Variants in MAST4 observed in about 807,000 individuals in gnomAD.
MAST4 encodes microtubule-associated serine/threonine-protein kinase 4.
Under a neutral mutation model 162.7 loss-of-function variants are expected in MAST4, and 89 were observed. The observed-to-expected ratio is 0.55, with a 90% confidence interval of 0.46 to 0.65. The LOEUF is 0.65. Ranked by LOEUF, MAST4 falls within the 30% of genes least tolerant of loss-of-function variation. The pLI is 0.00. For missense variants in MAST4, 3,153 were observed against 3,374.0 expected (o/e 0.93, Z 1.62); for synonymous variants, 1,479 against 1,361.1 (o/e 1.09, Z -1.91).
chr5:66,740,333 C>A (rs1752415463), intron 1 of MAST4, among the ~76,000 whole-genome samples: 1 of 152,198 alleles, frequency 6.6e-6, no homozygotes, highest in South Asian at 2.1e-4. Context: ...TCTTGAGGAA[C>A]ACAGTGAAAA....
intron 1 of MAST4, among the ~76,000 whole-genome samples, chr5:66,734,863 C>T (rs1350290050): frequency 6.6e-6 from 1 of 152,156 alleles, no homozygotes; most frequent in East Asian, 1.9e-4. Context: ...GTCAGGACTC[C>T]CCACCCCTTG....
intron 4 of MAST4, among the ~76,000 whole-genome samples, chr5:66,984,221 C>T (rs1749195492): frequency 6.6e-6 from 1 of 152,140 alleles, no homozygotes; most frequent in African/African-American, 2.4e-5. Context: ...GAAGGAGTGG[C>T]ATGCGAGCTG....
intron 3 of MAST4, among the ~76,000 whole-genome samples, chr5:66,810,245 A>G (rs906573371): frequency 6.6e-6 from 1 of 152,134 alleles, no homozygotes; most frequent in Non-Finnish European, 1.5e-5. Flanking sequence ...TAAATGATGG[A>G]TGGTGTAACA....
At chr5:67,133,470 G>T (rs755833777) in intron 16 of MAST4, 44 bp from the exon 17 acceptor site, 2 of 1,602,054 alleles carry the variant, frequency 1.2e-6, no homozygotes, top group Admixed American at 1.7e-5. Flanking sequence ...TAGATAACCA[G>T]CTTATAAAGT....
intron 1 of MAST4, among the ~76,000 whole-genome samples, chr5:66,665,370 A>T (rs1031211018): frequency 3.3e-5 from 5 of 152,218 alleles, no homozygotes; most frequent in African/African-American, 1.2e-4. Flanking sequence ...AGTGGCAAGA[A>T]CAAGATGAAC....
intron 4 of MAST4, among the ~76,000 whole-genome samples, chr5:66,996,394 TA>T (rs1313143469): frequency 2.6e-5 from 4 of 152,184 alleles, no homozygotes; most frequent in African/African-American, 9.7e-5. Context: ...GATTTTAAAA[TA>T]TTACTTCAGG....
At chr5:66,818,688 G>A (rs2149727777) in intron 3 of MAST4, among the ~76,000 whole-genome samples, 1 of 152,278 alleles carries the variant, frequency 6.6e-6, no homozygotes, top group South Asian at 2.1e-4. Flanking sequence ...TGAAAGTTCT[G>A]CAGGGCAGCG....
intron 4 of MAST4, among the ~76,000 whole-genome samples, chr5:66,992,156 A>G (rs1218474022): frequency 2.0e-5 from 3 of 152,174 alleles, no homozygotes; most frequent in Admixed American, 1.3e-4. Context: ...TATGATTGCA[A>G]TCGTAATACA....
intron 26 of MAST4, among the ~76,000 whole-genome samples, chr5:67,157,981 C>T (rs1170186632): frequency 6.6e-6 from 1 of 152,182 alleles, no homozygotes; most frequent in Non-Finnish European, 1.5e-5. Flanking sequence ...TCTAGTGGCA[C>T]ACATGGTAGT....
At chr5:66,802,399 A>G (rs1397184619) in intron 3 of MAST4, among the ~76,000 whole-genome samples, 5 of 152,200 alleles carry the variant, frequency 3.3e-5, no homozygotes, top group Non-Finnish European at 5.9e-5. Flanking sequence ...CAACCAGAGA[A>G]TTATGGCTCT....
chr5:66,788,607 C>CCAAACAAAAAAAAAAAAA, intron 2 of MAST4, 63 bp from the exon 3 acceptor site: 55 of 1,373,588 alleles, frequency 4.0e-5, no homozygotes, highest in Non-Finnish European at 5.1e-5. Context: ...CCCCCACCCC[C>CCAAACAAAAAAAAAAAAA]ATTGCAATAA....
chr5:67,160,650 A>G, intron 27 of MAST4, 58 bp downstream of exon 27: 1 of 1,544,276 alleles, frequency 6.5e-7, no homozygotes. Context: ...GGGAAAAGTT[A>G]CCCCTTAATT....
chr5:67,062,000 A>G (rs2548585), intron 5 of MAST4, among the ~76,000 whole-genome samples: 34,590 of 152,092 alleles, frequency 0.23, 4,389 homozygotes, highest in African/African-American at 0.34. Flanking sequence ...ATTTTCATGC[A>G]GTGCTCAAAG....
At chr5:66,965,324 T>C (rs1746587227) in intron 4 of MAST4, among the ~76,000 whole-genome samples, 1 of 150,754 alleles carries the variant, frequency 6.6e-6, no homozygotes, top group Admixed American at 6.6e-5. Context: ...TGTCCTGAAC[T>C]TTTTTTCTTT....
At chr5:67,147,102 TA>T (rs201349562) in intron 23 of MAST4, among the ~76,000 whole-genome samples, 8 of 149,958 alleles carry the variant, frequency 5.3e-5, no homozygotes, top group East Asian at 3.9e-4. Flanking sequence ...CTTTCATAAT[TA>T]AAAAAAAAAT....
intron 4 of MAST4, among the ~76,000 whole-genome samples, chr5:66,910,903 A>G (rs1763715012): frequency 6.6e-6 from 1 of 151,916 alleles, no homozygotes; most frequent in Non-Finnish European, 1.5e-5. Context: ...GCATGCCACC[A>G]TGCTCAGCTA....
chr5:66,942,128 A>G (rs569564562), intron 4 of MAST4, among the ~76,000 whole-genome samples: 3 of 152,262 alleles, frequency 2.0e-5, no homozygotes, highest in African/African-American at 7.2e-5. Flanking sequence ...ATGCTGTTGG[A>G]AAGATGGTGC....
intron 4 of MAST4, among the ~76,000 whole-genome samples, chr5:67,028,225 C>G (rs1754905885): frequency 6.6e-6 from 1 of 151,976 alleles, no homozygotes; most frequent in Admixed American, 6.6e-5. Context: ...GGTGAGAGAT[C>G]ATTGAAATGT....
At chr5:66,972,652 A>G (rs1747586085) in intron 4 of MAST4, among the ~76,000 whole-genome samples, 1 of 152,140 alleles carries the variant, frequency 6.6e-6, no homozygotes, top group Admixed American at 6.5e-5. Context: ...AGCCGCTGCC[A>G]TTTATCCCTA....
Sources: allele counts gnomAD v4.1 joint callset (sites outside exome capture counted in the v4.1 genomes callset), GRCh38; gene constraint gnomAD v4.1.1; transcripts MANE v1.5; gene names NCBI Gene and HGNC (gene_info 2026-07-23, HGNC 2026-07-21).